Variants in ZNF423 observed in about 807,000 individuals in gnomAD.
ZNF423 encodes zinc finger protein 423.
A neutral mutation model predicts 95.8 loss-of-function variants in ZNF423; 12 were observed. The ratio of observed to expected loss-of-function variants is 0.13; its 90% CI spans 0.08 to 0.20. The LOEUF (loss-of-function observed/expected upper bound fraction) is 0.20, where lower values mean the gene tolerates loss of function less well. Among genes scored for constraint, ZNF423 ranks in the 10% least tolerant of loss-of-function variants. The pLI is 1.00. For synonymous variants in ZNF423, 749 were observed against 711.9 expected (o/e 1.05, Z -0.83); for missense variants, 1,316 against 1,737.1 (o/e 0.76, Z 4.31).
intron 3 of ZNF423, among the ~76,000 whole-genome samples, chr16:49,668,839 G>A (rs2030666248): frequency 6.6e-6 from 1 of 152,158 alleles, no homozygotes; most frequent in African/African-American, 2.4e-5. Flanking sequence ...TCATCTACAT[G>A]CTGTGTGACC....
chr16:49,791,837 A>G lies in ZNF423; in HGVS notation c.41-2291T>C, dbSNP rs529135162. 2.0e-5 allele frequency among the ~76,000 whole-genome samples: 3 copies of G among 151,974 alleles called. No individual in the cohort carries two copies. In the East Asian group the frequency reaches 5.8e-4, roughly 30 times the overall value. On this transcript the variant is annotated intron_variant, in intron 1 of 7. Coordinates refer to ENST00000563137, the MANE Select transcript of ZNF423 (RefSeq NM_001379286.1). ...GCCAACATGGTGAAACCCCATCTCT[A>G]CTAAAAATACAAAACTTAGCCAGGC...
intron 1 of ZNF423, among the ~76,000 whole-genome samples, chr16:49,799,088 T>C (rs559096737): frequency 6.6e-6 from 1 of 152,254 alleles, no homozygotes; most frequent in Non-Finnish European, 1.5e-5. Context: ...GGCTCTGGAA[T>C]AGGCTGCTGT....
In ZNF423 at chr16:49,819,245, G is replaced by A. The variant is rs557229744; in HGVS notation, c.41-29699C>T. Among the ~76,000 whole-genome samples, 63 of 74,210 alleles carry A rather than the reference G, an allele frequency of 8.5e-4. No individual in the cohort carries two copies. The East Asian group carries it at 0.019, about 23-fold the overall frequency. The allele number at this position is 74,210 out of a possible 152,430, so 48.7% of individuals were successfully genotyped here. The stretch of plus-strand genomic sequence containing the variant: ...AGCCTGGGTGACAGAGTGAGATTCC[G>A]TCTCAAAAAAAAAAAAAAAAAAAAT... On this transcript the variant is annotated intron_variant, in intron 1 of 7. Coordinates refer to ENST00000563137, the MANE Select transcript of ZNF423 (RefSeq NM_001379286.1).
At chr16:49,666,212 G>T (rs1325354285) in intron 3 of ZNF423, among the ~76,000 whole-genome samples, 1 of 152,208 alleles carries the variant, frequency 6.6e-6, no homozygotes, top group Admixed American at 6.5e-5. Flanking sequence ...CTAAACATGT[G>T]TGTAACTCTG....
chr16:49,522,329 G>A lies in ZNF423; in HGVS notation c.3849+1295C>T, dbSNP rs551727314. Among the ~76,000 whole-genome samples, 32 of 152,252 alleles carry A rather than the reference G, an allele frequency of 2.1e-4. No individual in the cohort carries two copies. The South Asian group carries it at 3.9e-3, about 19-fold the overall frequency. ...AGAGAAGGTGGCGTGCATCATTTCC[G>A]AGGGGAAGCTTGAAGTGCTGGTAGA... is the stretch of plus-strand genomic sequence containing the variant. On this transcript the variant is annotated intron_variant, in intron 7 of 7. Transcript: ENST00000563137.
Position 49,590,029 on chromosome 16 carries a change from A to AATATATATATATATATATATATATATAT in ZNF423, c.3601+36140_3601+36141insATATATATATATATATATATATATATAT, listed in dbSNP as rs201361462. On this transcript the variant is annotated intron_variant, in intron 5 of 7. Transcript: ENST00000563137. ...GGGATGGGGTAAAGGGGAAGTGGCG[A>AATATATATATATATATATATATATATAT]ATATATATATATATATATATATTTG... Among the ~76,000 whole-genome samples the AATATATATATATATATATATATATATAT allele has an allele frequency of 9.2e-4, 90 of 97,520 alleles. 1 individual carries two copies. Among genetic ancestry groups the AATATATATATATATATATATATATATAT allele is most frequent in the African/African-American group, 2.5e-3 (67 of 27,226 alleles). 64.0% of individuals were successfully genotyped at this position (97,520 alleles called of 152,430 possible).
chr16:49,515,754 G>A (rs1004001788), intron 7 of ZNF423, among the ~76,000 whole-genome samples: 14 of 152,186 alleles, frequency 9.2e-5, no homozygotes, highest in Admixed American at 7.2e-4. Context: ...CCTCATGCAC[G>A]CATCCCCACA....
intron 1 of ZNF423, among the ~76,000 whole-genome samples, chr16:49,823,230 G>A (rs2034967169): frequency 6.6e-6 from 1 of 152,202 alleles, no homozygotes; most frequent in Admixed American, 6.5e-5. Context: ...ATCACTACCT[G>A]GACAGAAGCC....
At chr16:49,763,003 G>A (rs2033860017) in intron 2 of ZNF423, among the ~76,000 whole-genome samples, 1 of 151,396 alleles carries the variant, frequency 6.6e-6, no homozygotes, top group South Asian at 2.1e-4. Flanking sequence ...GAGTAGCTGG[G>A]ATTACAGGCA....
intron 1 of ZNF423, among the ~76,000 whole-genome samples, chr16:49,795,283 C>T (rs1376345095): frequency 1.3e-5 from 2 of 152,174 alleles, no homozygotes; most frequent in East Asian, 1.9e-4. Context: ...ACAGACACAC[C>T]TGTCCCCTCC....
chr16:49,549,932 G>A (rs1309174025), intron 5 of ZNF423, among the ~76,000 whole-genome samples: 1 of 151,806 alleles, frequency 6.6e-6, no homozygotes, highest in Non-Finnish European at 1.5e-5. Context: ...GAGTGCAGTG[G>A]TGCAATCACC....
At chr16:49,598,382 A>G (rs771110666) in intron 5 of ZNF423, among the ~76,000 whole-genome samples, 4 of 152,278 alleles carry the variant, frequency 2.6e-5, no homozygotes, top group Non-Finnish European at 5.9e-5. Context: ...CACACTGCAT[A>G]AACAGTGGCT....
intron 1 of ZNF423, among the ~76,000 whole-genome samples, chr16:49,853,301 C>CGGG (rs146210483): frequency 1.5e-3 from 118 of 78,396 alleles, no homozygotes; most frequent in Non-Finnish European, 2.0e-3. Flanking sequence ...AGGGGCGGGG[C>CGGG]GGGGGGGGAG....
In ZNF423 at chr16:49,732,560, A is replaced by G. The variant is rs558306463; in HGVS notation, c.101-1589T>C. Among the ~76,000 whole-genome samples, 16 of 152,338 alleles carry G rather than the reference A, an allele frequency of 1.1e-4. No individual in the cohort carries two copies. The South Asian group carries it at 2.5e-3, about 24-fold the overall frequency. ...TATGTACATATGCAAAAGTGCGTGT[A>G]TGTGCACCTGTATGTACATGTGTGT... On this transcript the variant is annotated intron_variant, in intron 2 of 7. Coordinates refer to ENST00000563137, the MANE Select transcript of ZNF423 (RefSeq NM_001379286.1).
intron 3 of ZNF423, among the ~76,000 whole-genome samples, chr16:49,723,511 C>T (rs1481955652): frequency 2.0e-5 from 3 of 152,022 alleles, no homozygotes; most frequent in African/African-American, 4.8e-5. Context: ...GATATGTGTC[C>T]CTGGCTTGAT....
intron 1 of ZNF423, among the ~76,000 whole-genome samples, chr16:49,852,274 G>A (rs537122154): frequency 2.1e-4 from 32 of 152,250 alleles, no homozygotes; most frequent in Non-Finnish European, 4.3e-4. Flanking sequence ...TAGCCTGAGC[G>A]CTAATTAATA....
At chr16:49,533,114 G>A (rs961622843) in intron 5 of ZNF423, among the ~76,000 whole-genome samples, 17 of 152,174 alleles carry the variant, frequency 1.1e-4, no homozygotes, top group African/African-American at 3.1e-4. Context: ...CGGCCTCTGC[G>A]ATCTGCCCTC....
chr16:49,813,510 C>A (rs927269182), intron 1 of ZNF423, among the ~76,000 whole-genome samples: 1 of 152,340 alleles, frequency 6.6e-6, no homozygotes, highest in East Asian at 1.9e-4. Flanking sequence ...ATGGCCCAGG[C>A]TCATGCTTGA....
intron 2 of ZNF423, among the ~76,000 whole-genome samples, chr16:49,767,300 AAAC>A (rs963378881): frequency 1.4e-4 from 21 of 152,246 alleles, no homozygotes; most frequent in African/African-American, 4.8e-4. Context: ...TGAGACATTC[AAAC>A]AACATGGGGG....
Sources: gnomAD v4.1 joint callset for allele counts (sites outside exome capture counted in the v4.1 genomes callset) on GRCh38, gnomAD v4.1.1 for gene constraint, MANE v1.5 for transcripts, NCBI Gene and HGNC (gene_info 2026-07-23, HGNC 2026-07-21) for gene names.